The following CACNA2D3 variants were observed in gnomAD, a reference collection of about 807,000 sequenced individuals.
The protein encoded by CACNA2D3 is voltage-dependent calcium channel subunit alpha-2/delta-3.
In CACNA2D3, 60 loss-of-function variants were observed where a neutral mutation model predicts 160.6. The observed-to-expected ratio is 0.37, with a 90% CI of 0.30 to 0.46. The LOEUF (loss-of-function observed/expected upper bound fraction) is 0.46. Among genes scored for constraint, CACNA2D3 ranks in the 20% least tolerant of loss-of-function variants. The probability of loss-of-function intolerance (pLI) is 1.00; values close to 1 mark genes in which losing one functional copy is unlikely to be tolerated. For missense variants in CACNA2D3, 1,205 were observed against 1,365.0 expected, an observed-to-expected ratio of 0.88 and a Z score of 1.85; for synonymous variants, 558 against 492.9, an observed-to-expected ratio of 1.13 and a Z score of -1.75.
intron 3 of CACNA2D3, among the ~76,000 whole-genome samples, chr3:54,375,095 T>C (rs1698988326): frequency 6.6e-6 from 1 of 152,204 alleles, no homozygotes; most frequent in Non-Finnish European, 1.5e-5. Flanking sequence ...CTTTCAGGTC[T>C]CAGTGTAGAT....
At chr3:54,140,883 T>A (rs565385747) in intron 2 of CACNA2D3, among the ~76,000 whole-genome samples, 5 of 152,176 alleles carry the variant, frequency 3.3e-5, no homozygotes, top group Non-Finnish European at 1.5e-5. Flanking sequence ...GGAGAATGAA[T>A]GAACACTTTA....
chr3:54,819,430 A>G (rs927567663), intron 14 of CACNA2D3, among the ~76,000 whole-genome samples: 1 of 152,162 alleles, frequency 6.6e-6, no homozygotes. Flanking sequence ...GAGAGCAGTC[A>G]TATCTGAGGG....
At chr3:54,811,415 T>C (rs1703310290) in intron 13 of CACNA2D3, among the ~76,000 whole-genome samples, 1 of 149,194 alleles carries the variant, frequency 6.7e-6, no homozygotes, top group African/African-American at 2.4e-5. Flanking sequence ...GTCAGACTAT[T>C]GCCTGCTGCC....
intron 13 of CACNA2D3, 63 bp from the exon 14 acceptor site, chr3:54,816,790 A>G: frequency 1.3e-6 from 2 of 1,578,800 alleles, no homozygotes; most frequent in South Asian, 2.3e-5. Context: ...AAGCTTTACC[A>G]TTAATTACTT....
At chr3:54,622,581 TG>T (rs60380344) in intron 9 of CACNA2D3, among the ~76,000 whole-genome samples, 69,740 of 134,794 alleles carry the variant, frequency 0.52, 16,584 homozygotes, top group Admixed American at 0.56. Context: ...GGCCAGTTTT[TG>T]GTTTTTTTTT....
At chr3:54,806,156 C>T (rs1703116351) in intron 13 of CACNA2D3, among the ~76,000 whole-genome samples, 1 of 152,146 alleles carries the variant, frequency 6.6e-6, no homozygotes, top group African/African-American at 2.4e-5. Context: ...ACAGAGATGC[C>T]CTCTCTCACC....
chr3:54,535,932 T>C (rs566268736), intron 5 of CACNA2D3, among the ~76,000 whole-genome samples: 1 of 152,172 alleles, frequency 6.6e-6, no homozygotes, highest in Non-Finnish European at 1.5e-5. Context: ...GGCCACCAGG[T>C]AGAATGACCC....
intron 4 of CACNA2D3, among the ~76,000 whole-genome samples, chr3:54,413,752 T>C (rs1699709564): frequency 6.6e-6 from 1 of 151,618 alleles, no homozygotes; most frequent in Admixed American, 6.6e-5. Context: ...TAAATCTTTT[T>C]TTTATTTTCT....
chr3:54,688,798 C>T (rs1446652274), intron 11 of CACNA2D3, among the ~76,000 whole-genome samples: 1 of 151,234 alleles, frequency 6.6e-6, no homozygotes, highest in African/African-American at 2.4e-5. Flanking sequence ...GTCAGGGGTT[C>T]AAGACCAGCC....
intron 27 of CACNA2D3, among the ~76,000 whole-genome samples, chr3:54,944,841 G>GTT (rs1701573687): frequency 6.6e-6 from 1 of 151,322 alleles, no homozygotes; most frequent in African/African-American, 2.4e-5. Context: ...GTGTGTGTGT[G>GTT]TTTGCTGTCT....
At chr3:54,237,074 G>A (rs926830699) in intron 2 of CACNA2D3, among the ~76,000 whole-genome samples, 4 of 151,622 alleles carry the variant, frequency 2.6e-5, no homozygotes, top group African/African-American at 9.7e-5. Flanking sequence ...CTGCTTAATG[G>A]CAGTAGATGA....
intron 27 of CACNA2D3, among the ~76,000 whole-genome samples, chr3:54,923,379 C>G (rs1700908610): frequency 2.6e-5 from 4 of 152,124 alleles, no homozygotes; most frequent in Non-Finnish European, 5.9e-5. Context: ...ATTCCTTCCC[C>G]CAGTTATCTC....
intron 35 of CACNA2D3, among the ~76,000 whole-genome samples, chr3:55,040,849 G>C (rs923894807): frequency 6.6e-6 from 1 of 152,168 alleles, no homozygotes; most frequent in Non-Finnish European, 1.5e-5. Flanking sequence ...ACCACAAAAT[G>C]AGGTAATTTA....
At chr3:54,605,992 A>T (rs1424675818) in intron 9 of CACNA2D3, among the ~76,000 whole-genome samples, 1 of 152,190 alleles carries the variant, frequency 6.6e-6, no homozygotes, top group African/African-American at 2.4e-5. Flanking sequence ...TTCTGAGATG[A>T]GTACAGAGTC....
chr3:54,872,068 T>C (rs1291894851), intron 18 of CACNA2D3, among the ~76,000 whole-genome samples: 1 of 152,190 alleles, frequency 6.6e-6, no homozygotes, highest in Non-Finnish European at 1.5e-5. Context: ...CAGCCCTTGT[T>C]TTCAGAGTAC....
At chr3:54,271,509 A>G (rs1474337787) in intron 2 of CACNA2D3, among the ~76,000 whole-genome samples, 1 of 152,228 alleles carries the variant, frequency 6.6e-6, no homozygotes, top group Non-Finnish European at 1.5e-5. Flanking sequence ...CCAAAAAGAC[A>G]TCTATAGAAG....
intron 4 of CACNA2D3, among the ~76,000 whole-genome samples, chr3:54,484,678 A>G (rs1700988265): frequency 6.7e-6 from 1 of 148,634 alleles, no homozygotes; most frequent in Admixed American, 6.8e-5. Flanking sequence ...CTATCTTTTA[A>G]TTGCTTCTTA....
In CACNA2D3 at chr3:54,878,915, G is replaced by T. The variant is rs564960739; in HGVS notation, c.1711-103G>T. ...TCTTCAGAAGCTCTGTTTTCGAGGTGTAAGTTCAATATGGAGGCTCCACTG... is the reference window on the plus strand; with the variant it reads ...TCTTCAGAAGCTCTGTTTTCGAGGTTTAAGTTCAATATGGAGGCTCCACTG... On this transcript the variant is annotated intron_variant, in intron 18 of 37. Transcript: ENST00000474759. 22 of 611,632 alleles carry T rather than the reference G, an allele frequency of 3.6e-5. No homozygotes were observed. The South Asian group carries it at 5.2e-4, about 14-fold the overall frequency. The allele number at this position is 611,632 out of a possible 1,614,324, so 37.9% of individuals were successfully genotyped here.
chr3:54,297,574 G>A (rs1703369349), intron 2 of CACNA2D3, among the ~76,000 whole-genome samples: 1 of 152,158 alleles, frequency 6.6e-6, no homozygotes, highest in African/African-American at 2.4e-5. Context: ...AGATCCTGGA[G>A]ATGGTTCCTG....
Sources: gnomAD v4.1 joint callset for allele counts (sites outside exome capture counted in the v4.1 genomes callset) on GRCh38, gnomAD v4.1.1 for gene constraint, MANE v1.5 for transcripts, NCBI Gene and HGNC (gene_info 2026-07-23, HGNC 2026-07-21) for gene names.